Variants in FHOD3 observed in about 807,000 individuals in gnomAD.
FHOD3 encodes the protein FH1/FH2 domain-containing protein 3.
Under a neutral mutation model 173.0 loss-of-function variants are expected in FHOD3, and 90 were observed. That is an observed-to-expected ratio of 0.52 (90% CI 0.44 to 0.62). FHOD3 has a LOEUF of 0.62. FHOD3 is among the 20% of genes least tolerant of loss of function. FHOD3 has a pLI of 0.00. For missense variants in FHOD3, 1,945 were observed against 2,034.7 expected (o/e 0.96, Z 0.85); for synonymous variants, 828 against 823.0 (o/e 1.01, Z -0.10).
intron 14 of FHOD3, among the ~76,000 whole-genome samples, chr18:36,677,318 T>C (rs1271048122): frequency 6.6e-6 from 1 of 151,890 alleles, no homozygotes; most frequent in Non-Finnish European, 1.5e-5. Context: ...CATGCCCAGC[T>C]AATTTTGTAT....
intron 20 of FHOD3, among the ~76,000 whole-genome samples, chr18:36,737,955 C>A (rs9955125): frequency 0.015 from 2,311 of 152,266 alleles, 48 homozygotes; most frequent in African/African-American, 0.053. Flanking sequence ...AAAACAGTCC[C>A]ATCTTCCAAC....
intron 3 of FHOD3, among the ~76,000 whole-genome samples, chr18:36,427,152 C>A (rs532833631): frequency 6.6e-6 from 1 of 152,040 alleles, no homozygotes; most frequent in Non-Finnish European, 1.5e-5. Flanking sequence ...AAAAGAAAAG[C>A]AGTTAGCAAG....
chr18:36,753,912 G>A (rs1005083736), intron 24 of FHOD3, among the ~76,000 whole-genome samples: 1 of 152,112 alleles, frequency 6.6e-6, no homozygotes. Flanking sequence ...GTGTTGCGTT[G>A]TAAGATTCCT....
At chr18:36,645,960 A>G (rs998621706) in intron 10 of FHOD3, among the ~76,000 whole-genome samples, 1 of 152,196 alleles carries the variant, frequency 6.6e-6, no homozygotes, top group African/African-American at 2.4e-5. Context: ...AAGGCTATCT[A>G]CCAAAAAAAT....
At chr18:36,461,114 A>G (rs1341292648) in intron 3 of FHOD3, among the ~76,000 whole-genome samples, 1 of 152,134 alleles carries the variant, frequency 6.6e-6, no homozygotes, top group Non-Finnish European at 1.5e-5. Flanking sequence ...AGGGCTGAGA[A>G]GGGGCTTTGC....
chr18:36,555,503 G>T (rs1034951722), intron 5 of FHOD3, among the ~76,000 whole-genome samples: 3 of 151,956 alleles, frequency 2.0e-5, no homozygotes, highest in African/African-American at 7.3e-5. Flanking sequence ...TGTATATTCT[G>T]TTGTTCTTGT....
At chr18:36,590,664 TATGCATCAGAAG>T (rs2059185367) in intron 6 of FHOD3, among the ~76,000 whole-genome samples, 1 of 152,060 alleles carries the variant, frequency 6.6e-6, no homozygotes, top group African/African-American at 2.4e-5. Context: ...AACCTAAAAT[TATGCATCAGAAG>T]ATGTTTGGGG....
At chr18:36,716,954 A>C (rs201706251) in intron 18 of FHOD3, among the ~76,000 whole-genome samples, 1 of 104,098 alleles carries the variant, frequency 9.6e-6, no homozygotes, top group Non-Finnish European at 2.0e-5. Context: ...GTGTGTGTGT[A>C]TGTGTTAATG....
chr18:36,386,479 C>T (rs529302958), intron 3 of FHOD3, among the ~76,000 whole-genome samples: 2 of 152,322 alleles, frequency 1.3e-5, no homozygotes, highest in East Asian at 1.9e-4. Flanking sequence ...TTTCCGTGCC[C>T]GTTAGAGACA....
At chr18:36,482,880 G>C (rs1224791680) in intron 3 of FHOD3, among the ~76,000 whole-genome samples, 5 of 150,212 alleles carry the variant, frequency 3.3e-5, no homozygotes, top group South Asian at 2.1e-4. Context: ...GAGAGAGAGA[G>C]AGAGAGAGAG....
intron 6 of FHOD3, among the ~76,000 whole-genome samples, chr18:36,580,182 C>T (rs142629166): frequency 9.4e-4 from 143 of 152,320 alleles, no homozygotes; most frequent in Non-Finnish European, 1.7e-3. Flanking sequence ...CCATCCTACA[C>T]GGTGCACTCG....
At chr18:36,677,741 T>G (rs2037956960) in intron 14 of FHOD3, among the ~76,000 whole-genome samples, 1 of 152,222 alleles carries the variant, frequency 6.6e-6, no homozygotes, top group Non-Finnish European at 1.5e-5. Context: ...CCTCAGGTCC[T>G]GTGTAAAAAT....
At chr18:36,616,575 G>A (rs1161338967) in intron 9 of FHOD3, among the ~76,000 whole-genome samples, 2 of 152,158 alleles carry the variant, frequency 1.3e-5, no homozygotes, top group Non-Finnish European at 2.9e-5. Flanking sequence ...AGCATCAAGT[G>A]TATATCATTC....
intron 1 of FHOD3, among the ~76,000 whole-genome samples, chr18:36,331,298 C>T (rs2145213384): frequency 6.6e-6 from 1 of 152,312 alleles, no homozygotes; most frequent in South Asian, 2.1e-4. Flanking sequence ...ACTTAATTGA[C>T]AAAAGAACTG....
rs568475580 is a variant in FHOD3, at chr18:36,397,128, C to G, written c.337+24384C>G. Among the ~76,000 whole-genome samples the G allele has an allele frequency of 1.2e-4, 19 of 152,278 alleles. 1 individual carries two copies. The highest frequency in any genetic ancestry group is 3.9e-4 in the East Asian group (2 of 5,186). On this transcript the variant is annotated intron_variant, in intron 3 of 28. Transcript: ENST00000590592. The stretch of plus-strand genomic sequence containing the variant: ...CTAGATTGCTACAGATCTTTTAGTC[C>G]AAACCATGGGACCATTGACTTACCT...
At chr18:36,344,476 G>A (rs2045786121) in intron 1 of FHOD3, among the ~76,000 whole-genome samples, 2 of 152,038 alleles carry the variant, frequency 1.3e-5, no homozygotes, top group Admixed American at 1.3e-4. Context: ...AGAAGTGATG[G>A]CACTAATTTA....
chr18:36,375,006 T>A (rs988107422), intron 3 of FHOD3, among the ~76,000 whole-genome samples: 4 of 152,364 alleles, frequency 2.6e-5, no homozygotes, highest in South Asian at 2.1e-4. Flanking sequence ...AAGCCTTTTT[T>A]AAAATTCCAT....
In FHOD3 at chr18:36,718,725, G is replaced by A. The variant is rs201391502; in HGVS notation, c.3417+10G>A. On this transcript the variant is annotated intron_variant, in intron 19 of 28. Transcript: ENST00000590592. ...ACTGTCTGTCTCAAAGGTACTGCTAGTCTTCAGCATGCTTCTTGATTGGAA... is the reference window on the plus strand; with the variant it reads ...ACTGTCTGTCTCAAAGGTACTGCTAATCTTCAGCATGCTTCTTGATTGGAA... 1.0e-4 allele frequency: 165 copies of A among 1,606,472 alleles called. No homozygotes were observed. The highest frequency in any genetic ancestry group is 3.2e-4 in the Admixed American group (19 of 59,396).
intron 3 of FHOD3, among the ~76,000 whole-genome samples, chr18:36,443,047 T>C (rs1180563384): frequency 6.6e-6 from 1 of 152,238 alleles, no homozygotes; most frequent in Non-Finnish European, 1.5e-5. Flanking sequence ...AGAATTGTCA[T>C]GCCCTTCTCA....
Sources: allele counts gnomAD v4.1 joint callset (sites outside exome capture counted in the v4.1 genomes callset), GRCh38; gene constraint gnomAD v4.1.1; transcripts MANE v1.5; gene names NCBI Gene and HGNC (gene_info 2026-07-23, HGNC 2026-07-21).